The following MACROD2 variants were observed in gnomAD, a reference collection of about 807,000 sequenced individuals.
MACROD2 encodes the protein ADP-ribose glycohydrolase MACROD2.
A neutral mutation model predicts 70.4 loss-of-function variants in MACROD2; 36 were observed. The ratio of observed to expected loss-of-function variants is 0.51; its 90% CI spans 0.39 to 0.68. The LOEUF is 0.68. MACROD2 is among the 30% of genes least tolerant of loss of function. The pLI, the probability that MACROD2 is intolerant of heterozygous loss-of-function variation, is 0.00. For missense variants in MACROD2, 496 were observed against 538.4 expected (o/e 0.92, Z 0.78); for synonymous variants, 172 against 178.8 (o/e 0.96, Z 0.30).
intron 3 of MACROD2, among the ~76,000 whole-genome samples, chr20:14,206,384 G>A (rs1174405014): frequency 1.3e-5 from 2 of 152,154 alleles, no homozygotes; most frequent in Non-Finnish European, 1.5e-5. Context: ...TGATTCTGAT[G>A]TACCTTAAAG....
chr20:15,434,762 C>T lies in MACROD2; in HGVS notation c.571+3327C>T, dbSNP rs1157948909. 2.6e-5 allele frequency among the ~76,000 whole-genome samples: 4 copies of T among 152,196 alleles called. No individual in the cohort carries two copies. In the South Asian group the frequency reaches 8.3e-4, roughly 32 times the overall value. Reference sequence around the variant, plus strand: ...AATTCACAATTGCAAAGATATGGAACCAACCTAAATGCCCATCAACCAATG... The same window carrying T: ...AATTCACAATTGCAAAGATATGGAATCAACCTAAATGCCCATCAACCAATG... On this transcript the variant is annotated intron_variant, in intron 7 of 17. Transcript: ENST00000684519.
intron 4 of MACROD2, among the ~76,000 whole-genome samples, chr20:14,631,324 T>G (rs1385033809): frequency 6.6e-6 from 1 of 152,204 alleles, no homozygotes; most frequent in African/African-American, 2.4e-5. Flanking sequence ...AAACAACCAC[T>G]TCTCTTTTGT....
intron 8 of MACROD2, among the ~76,000 whole-genome samples, chr20:15,825,470 G>A (rs1348261031): frequency 1.3e-5 from 2 of 149,906 alleles, no homozygotes; most frequent in African/African-American, 4.9e-5. Flanking sequence ...CCATCCAATT[G>A]TAGACATGAT....
rs577246633 is a variant in MACROD2, at chr20:15,783,775, C to T, written c.646-78970C>T. On this transcript the variant is annotated intron_variant, in intron 8 of 17. Coordinates refer to ENST00000684519, the MANE Select transcript of MACROD2 (RefSeq NM_001351661.2). ...GTGTCTCCAGTTGCCTCTCTTTCCC[C>T]GTAGCCAGACCTCCATCCATGTCCT... 3.7e-4 allele frequency among the ~76,000 whole-genome samples: 56 copies of T among 152,242 alleles called. 1 individual carries two copies. The South Asian group carries it at 9.6e-3, about 26-fold the overall frequency.
At chr20:15,876,690 C>T (rs983470093) in intron 9 of MACROD2, among the ~76,000 whole-genome samples, 1 of 152,192 alleles carries the variant, frequency 6.6e-6, no homozygotes, top group Admixed American at 6.5e-5. Flanking sequence ...AGTCGCCACA[C>T]TGTCTTCCAC....
At chr20:14,576,747 A>G (rs531411333) in intron 4 of MACROD2, among the ~76,000 whole-genome samples, 22 of 152,326 alleles carry the variant, frequency 1.4e-4, no homozygotes, top group African/African-American at 4.6e-4. Flanking sequence ...AACTTCTGGT[A>G]TATTATAAAA....
chr20:14,749,486 T>C, intron 5 of MACROD2, among the ~76,000 whole-genome samples: 1 of 152,086 alleles, frequency 6.6e-6, no homozygotes, highest in East Asian at 1.9e-4. Context: ...CTTAGAGAGA[T>C]GATATTTTAA....
chr20:15,081,579 T>A (rs1257920691), intron 5 of MACROD2, among the ~76,000 whole-genome samples: 2 of 152,110 alleles, frequency 1.3e-5, no homozygotes, highest in Admixed American at 1.3e-4. Flanking sequence ...TCTCTAAAGC[T>A]GGGGAATGGA....
chr20:15,306,735 G>A (rs2077701449), intron 6 of MACROD2, among the ~76,000 whole-genome samples: 1 of 152,134 alleles, frequency 6.6e-6, no homozygotes, highest in South Asian at 2.1e-4. Flanking sequence ...AGGGTTGTAG[G>A]AGCAGCAGTA....
intron 3 of MACROD2, among the ~76,000 whole-genome samples, chr20:14,454,943 G>A (rs1433056916): frequency 1.3e-5 from 2 of 151,748 alleles, no homozygotes; most frequent in Admixed American, 1.3e-4. Context: ...TAGTAGAGAC[G>A]GGGTTTCACC....
At chr20:14,911,462 C>T (rs753154297) in intron 5 of MACROD2, among the ~76,000 whole-genome samples, 12 of 152,210 alleles carry the variant, frequency 7.9e-5, no homozygotes, top group South Asian at 2.1e-4. Context: ...ACTGCAGCCT[C>T]GGCCTCTTGA....
At chr20:15,477,566 AG>A (rs2146446766) in intron 7 of MACROD2, among the ~76,000 whole-genome samples, 1 of 152,180 alleles carries the variant, frequency 6.6e-6, no homozygotes, top group African/African-American at 2.4e-5. Flanking sequence ...TTGGACAGGG[AG>A]AAAGGAGGGA....
intron 3 of MACROD2, among the ~76,000 whole-genome samples, chr20:14,247,122 A>G (rs1001953186): frequency 6.6e-6 from 1 of 152,180 alleles, no homozygotes; most frequent in Non-Finnish European, 1.5e-5. Context: ...CCTCCAGATT[A>G]TTTTGATAGT....
At chr20:15,385,547 G>A (rs1396515929) in intron 6 of MACROD2, among the ~76,000 whole-genome samples, 5 of 152,074 alleles carry the variant, frequency 3.3e-5, no homozygotes, top group Admixed American at 6.5e-5. Context: ...ATTTCCCTAC[G>A]TGTTCTTGAC....
At chr20:14,637,138 G>C (rs138666064) in intron 4 of MACROD2, among the ~76,000 whole-genome samples, 4 of 152,276 alleles carry the variant, frequency 2.6e-5, no homozygotes, top group Admixed American at 6.5e-5. Context: ...GAGAACAGGT[G>C]GGGGAAGAAT....
intron 5 of MACROD2, among the ~76,000 whole-genome samples, chr20:15,160,018 G>A (rs1212489879): frequency 6.6e-6 from 1 of 151,988 alleles, no homozygotes; most frequent in African/African-American, 2.4e-5. Flanking sequence ...GGAACAAAAT[G>A]TTCATGACAG....
At chr20:16,005,618 C>T (rs992467355) in intron 15 of MACROD2, among the ~76,000 whole-genome samples, 2 of 152,192 alleles carry the variant, frequency 1.3e-5, no homozygotes, top group Admixed American at 1.3e-4. Context: ...TTCTCCTTTC[C>T]GTAAACTACC....
chr20:15,131,528 A>G (rs1370228326), intron 5 of MACROD2, among the ~76,000 whole-genome samples: 2 of 152,112 alleles, frequency 1.3e-5, no homozygotes, highest in Non-Finnish European at 2.9e-5. Context: ...ATAATCATTG[A>G]TATCATTTAA....
At chr20:15,954,801 A>G (rs913387192) in intron 12 of MACROD2, among the ~76,000 whole-genome samples, 1 of 152,216 alleles carries the variant, frequency 6.6e-6, no homozygotes, top group African/African-American at 2.4e-5. Flanking sequence ...TCAGCAGCTA[A>G]TATTTATCAA....
Sources: gnomAD v4.1 joint callset for allele counts (sites outside exome capture counted in the v4.1 genomes callset) on GRCh38, gnomAD v4.1.1 for gene constraint, MANE v1.5 for transcripts, NCBI Gene and HGNC (gene_info 2026-07-23, HGNC 2026-07-21) for gene names.